Variants in RAP1GDS1 observed in about 807,000 individuals in gnomAD.
The protein encoded by RAP1GDS1 is RAP1, GTP-GDP dissociation stimulator 1.
A neutral mutation model predicts 71.1 loss-of-function variants in RAP1GDS1; 35 were observed. The observed-to-expected ratio is 0.49, with a 90% CI of 0.38 to 0.65. The LOEUF is 0.65. RAP1GDS1 is among the 30% of genes least tolerant of loss of function. The pLI is 0.00. For missense variants in RAP1GDS1, 663 were observed against 706.1 expected, an observed-to-expected ratio of 0.94 and a Z score of 0.69; for synonymous variants, 229 against 243.1, an observed-to-expected ratio of 0.94 and a Z score of 0.54.
chr4:98,323,038 GA>G (rs1379061645), intron 2 of RAP1GDS1, among the ~76,000 whole-genome samples: 1 of 151,446 alleles, frequency 6.6e-6, no homozygotes, highest in Non-Finnish European at 1.5e-5. Context: ...GACTAATAAG[GA>G]AAAAAAGAGA....
In RAP1GDS1 at chr4:98,363,478, C is replaced by CAAAAAAA. The variant is rs34393905; in HGVS notation, c.361+10898_361+10904dup. Among the ~76,000 whole-genome samples the CAAAAAAA allele has an allele frequency of 2.7e-3, 100 of 37,726 alleles. 10 individuals are homozygous for CAAAAAAA. The highest frequency in any genetic ancestry group is 9.7e-3 in the African/African-American group (98 of 10,112). 24.7% of individuals were successfully genotyped at this position (37,726 alleles called of 152,430 possible). ...CCTAAATAACAGTGAGACCCTGTCT[C>CAAAAAAA]AAAAAAAAAAAAAAAAAAAAAAAAA... On this transcript the variant is annotated intron_variant, in intron 4 of 14. Transcript: ENST00000408927.
At chr4:98,406,605 A>G (rs1746148633) in intron 7 of RAP1GDS1, among the ~76,000 whole-genome samples, 1 of 152,088 alleles carries the variant, frequency 6.6e-6, no homozygotes, top group African/African-American at 2.4e-5. Context: ...TCAATAATTT[A>G]TAGAATAAGA....
chr4:98,319,830 C>T (rs1302334268), intron 2 of RAP1GDS1, among the ~76,000 whole-genome samples: 1 of 151,046 alleles, frequency 6.6e-6, no homozygotes, highest in Non-Finnish European at 1.5e-5. Flanking sequence ...CTACACAGGT[C>T]CTCTTATAAG....
rs556007929 is a variant in RAP1GDS1, at chr4:98,379,312, A to G, written c.508+149A>G. On this transcript the variant is annotated intron_variant, in intron 5 of 14. Coordinates refer to ENST00000408927, the MANE Select transcript of RAP1GDS1 (RefSeq NM_001100427.2). ...AATAATTAGCCAACATTAAATTTCA[A>G]TGTTTCAAAAATGTAAAATGGTTAA... is the stretch of plus-strand genomic sequence containing the variant. 4.3e-4 allele frequency: 374 copies of G among 874,510 alleles called. 1 individual carries two copies. In the African/African-American group the frequency reaches 6.1e-3, roughly 14 times the overall value. 54.2% of individuals were successfully genotyped at this position (874,510 alleles called of 1,614,324 possible). A position where few individuals can be genotyped will look rare whatever the true frequency, so the allele number is the denominator to read the frequency against.
intron 1 of RAP1GDS1, among the ~76,000 whole-genome samples, chr4:98,287,561 G>A (rs1418160342): frequency 1.8e-4 from 27 of 152,286 alleles, no homozygotes; most frequent in Non-Finnish European, 1.5e-5. Flanking sequence ...CCATGTATAT[G>A]AATAGGTATG....
chr4:98,408,485 A>C (rs1002475995), intron 7 of RAP1GDS1, among the ~76,000 whole-genome samples: 1 of 152,142 alleles, frequency 6.6e-6, no homozygotes, highest in African/African-American at 2.4e-5. Flanking sequence ...AAAGCTGAGT[A>C]ATCTTACCTT....
intron 12 of RAP1GDS1, among the ~76,000 whole-genome samples, chr4:98,421,798 A>G (rs529119242): frequency 2.6e-5 from 4 of 152,332 alleles, no homozygotes; most frequent in Non-Finnish European, 4.4e-5. Flanking sequence ...TAGATAACCA[A>G]TAAATGAACA....
intron 1 of RAP1GDS1, among the ~76,000 whole-genome samples, chr4:98,280,830 C>A (rs1366658319): frequency 6.6e-6 from 1 of 152,208 alleles, no homozygotes; most frequent in African/African-American, 2.4e-5. Context: ...CTACATATGG[C>A]TAGCCAGTTT....
chr4:98,325,743 A>T (rs1480359302), intron 2 of RAP1GDS1, among the ~76,000 whole-genome samples: 1 of 128,502 alleles, frequency 7.8e-6, no homozygotes, highest in East Asian at 2.4e-4. Context: ...GGACACAGGA[A>T]GGGGAATATC....
chr4:98,336,871 G>A (rs1044588978), intron 2 of RAP1GDS1, among the ~76,000 whole-genome samples: 6 of 151,592 alleles, frequency 4.0e-5, no homozygotes, highest in African/African-American at 1.2e-4. Flanking sequence ...TTTTCATTCT[G>A]GGTTTTTTTT....
rs184977047 is a variant in RAP1GDS1 at position 98,331,334 on chromosome 4, A to G, written c.113-11805A>G. On this transcript the variant is annotated intron_variant, in intron 2 of 14. Transcript: ENST00000408927. ...GGGGAGACCGTGGAAAGCGGGAGAC[A>G]GAGACCACGGAGAGGGAGAGGGAGA... Among the ~76,000 whole-genome samples the G allele has an allele frequency of 4.4e-3, 662 of 149,254 alleles. 4 individuals are homozygous for G. Among genetic ancestry groups the G allele is most frequent in the South Asian group, 0.015 (70 of 4,542 alleles).
At chr4:98,422,022 C>T (rs1748944210) in intron 12 of RAP1GDS1, among the ~76,000 whole-genome samples, 2 of 151,660 alleles carry the variant, frequency 1.3e-5, no homozygotes, top group South Asian at 2.1e-4. Flanking sequence ...ATAGTGAAAC[C>T]CCGGGTCTAC....
At chr4:98,283,673 G>A (rs917672567) in intron 1 of RAP1GDS1, among the ~76,000 whole-genome samples, 1 of 151,930 alleles carries the variant, frequency 6.6e-6, no homozygotes, top group African/African-American at 2.4e-5. Context: ...ATATATAAGT[G>A]TTCATTACTT....
At chr4:98,431,147 T>C (rs1203091074) in intron 12 of RAP1GDS1, among the ~76,000 whole-genome samples, 1 of 152,242 alleles carries the variant, frequency 6.6e-6, no homozygotes, top group Non-Finnish European at 1.5e-5. Context: ...TCTTTATCAG[T>C]TACCAGGCTA....
At chr4:98,382,392 CTT>C (rs1491000652) in intron 5 of RAP1GDS1, among the ~76,000 whole-genome samples, 2 of 151,618 alleles carry the variant, frequency 1.3e-5, no homozygotes, top group South Asian at 2.1e-4. Context: ...AAAAAGCACT[CTT>C]TGATTCTGTG....
intron 2 of RAP1GDS1, among the ~76,000 whole-genome samples, chr4:98,305,168 T>C (rs1231039663): frequency 6.6e-6 from 1 of 152,194 alleles, no homozygotes; most frequent in African/African-American, 2.4e-5. Context: ...TTTGATTCCA[T>C]ATGAATTTTA....
chr4:98,319,536 T>G (rs1370767845), intron 2 of RAP1GDS1, among the ~76,000 whole-genome samples: 2 of 152,036 alleles, frequency 1.3e-5, no homozygotes, highest in African/African-American at 4.8e-5. Flanking sequence ...ATCCCAGCAC[T>G]TTGGGAGGCC....
intron 3 of RAP1GDS1, among the ~76,000 whole-genome samples, chr4:98,345,705 TAG>T (rs1736146747): frequency 1.3e-5 from 2 of 152,308 alleles, no homozygotes; most frequent in African/African-American, 4.8e-5. Flanking sequence ...CCATATGAGA[TAG>T]AGTTATTTTA....
chr4:98,342,139 G>T (rs1735581451), intron 2 of RAP1GDS1, among the ~76,000 whole-genome samples: 2 of 152,054 alleles, frequency 1.3e-5, no homozygotes. Flanking sequence ...TTATTATAAA[G>T]AAATATGTTA....
Sources: gnomAD v4.1 joint callset for allele counts (sites outside exome capture counted in the v4.1 genomes callset) on GRCh38, gnomAD v4.1.1 for gene constraint, MANE v1.5 for transcripts, NCBI Gene and HGNC (gene_info 2026-07-23, HGNC 2026-07-21) for gene names.